The following WWC1 variants were observed in gnomAD, a reference collection of about 807,000 sequenced individuals.
WWC1 encodes the protein protein KIBRA.
In WWC1, 55 loss-of-function variants were observed where a neutral mutation model predicts 138.4. The observed-to-expected ratio is 0.40, with a 90% CI of 0.32 to 0.50. The LOEUF (loss-of-function observed/expected upper bound fraction) is 0.50. WWC1 is among the 20% of genes least tolerant of loss of function. The pLI is 0.72. For missense variants in WWC1, 1,226 were observed against 1,420.4 expected (o/e 0.86, Z 2.20); for synonymous variants, 524 against 564.9 (o/e 0.93, Z 1.03).
intron 17 of WWC1, among the ~76,000 whole-genome samples, chr5:168,453,546 A>AT (rs1403072607): frequency 5.4e-4 from 81 of 151,086 alleles, no homozygotes; most frequent in East Asian, 4.3e-3. Flanking sequence ...CTCATTAACA[A>AT]TCTTTTTTTT....
intron 1 of WWC1, among the ~76,000 whole-genome samples, chr5:168,324,963 T>C (rs986719427): frequency 9.2e-5 from 14 of 152,298 alleles, no homozygotes; most frequent in African/African-American, 3.1e-4. Context: ...AGACACCTAG[T>C]AGCTGAGTTC....
At chr5:168,303,640 A>G (rs1770289172) in intron 1 of WWC1, among the ~76,000 whole-genome samples, 1 of 152,158 alleles carries the variant, frequency 6.6e-6, no homozygotes, top group Non-Finnish European at 1.5e-5. Context: ...GGAAGCAGCC[A>G]ATCTAAGGGG....
rs775695999 is a variant in WWC1, at chr5:168,318,184, C to T, written c.119+25913C>T. On this transcript the variant is annotated intron_variant, in intron 1 of 22. Coordinates refer to ENST00000265293, the MANE Select transcript of WWC1 (RefSeq NM_015238.3). ...TCTGTTTGCAAATGTTCTCTTGGTT[C>T]CAGAAGTTCAGAAATGTTACCAGCT... Among the ~76,000 whole-genome samples, 42 of 152,050 alleles carry T rather than the reference C, an allele frequency of 2.8e-4. No individual in the cohort carries two copies. In the Middle Eastern group the frequency reaches 0.014, roughly 49 times the overall value.
chr5:168,304,509 C>T (rs1416741697), intron 1 of WWC1, among the ~76,000 whole-genome samples: 1 of 152,080 alleles, frequency 6.6e-6, no homozygotes, highest in Non-Finnish European at 1.5e-5. Flanking sequence ...AGGTTTTTGC[C>T]CTCGTACAAT....
intron 1 of WWC1, among the ~76,000 whole-genome samples, chr5:168,318,863 G>A (rs1452316618): frequency 2.0e-5 from 3 of 152,046 alleles, no homozygotes; most frequent in African/African-American, 7.2e-5. Flanking sequence ...CCTGGCCTGT[G>A]ACTGGCTATT....
At chr5:168,400,325 C>T (rs970797619) in intron 5 of WWC1, among the ~76,000 whole-genome samples, 3 of 152,140 alleles carry the variant, frequency 2.0e-5, no homozygotes, top group African/African-American at 7.2e-5. Context: ...GATCCTCTCC[C>T]TCCTCTCACC....
rs759360590 is a variant in WWC1 at position 168,468,005 on chromosome 5, C to A, written c.3275+41C>A. The A allele has an allele frequency of 1.1e-5, 18 of 1,611,744 alleles. 1 individual carries two copies. The Admixed American group carries it at 3.0e-4, about 27-fold the overall frequency. ...CGGCAGCCCCCCATCCCTTTCTCAGCCAACCCACGGCCTTAGTCTTCTGTC... is the reference window on the plus strand; with the variant it reads ...CGGCAGCCCCCCATCCCTTTCTCAGACAACCCACGGCCTTAGTCTTCTGTC... On this transcript the variant is annotated intron_variant, in intron 22 of 22. Transcript: ENST00000265293.
chr5:168,465,576 T>TTTTTTG (rs1554118704), intron 21 of WWC1, among the ~76,000 whole-genome samples: 4 of 136,210 alleles, frequency 2.9e-5, no homozygotes, highest in African/African-American at 1.2e-4. Context: ...TTTTTTTTTT[T>TTTTTTG]GGAGATGGGT....
At chr5:168,418,743 A>G (rs921776674) in intron 9 of WWC1, among the ~76,000 whole-genome samples, 6 of 152,034 alleles carry the variant, frequency 3.9e-5, no homozygotes, top group African/African-American at 1.4e-4. Flanking sequence ...AGGAAAACCA[A>G]GGTAAAAATG....
In WWC1 at chr5:168,460,640, T is replaced by C; in HGVS notation, c.2824-10T>C. Reference sequence around the variant, plus strand: ...ACCATGTTTAAGATTCCATGACTTTTCTCTTGCAGCTGAATCGGAGTGATA... The same window carrying C: ...ACCATGTTTAAGATTCCATGACTTTCCTCTTGCAGCTGAATCGGAGTGATA... On this transcript the variant is annotated splice_polypyrimidine_tract_variant and intron_variant, in intron 19 of 22. Coordinates refer to ENST00000265293, the MANE Select transcript of WWC1 (RefSeq NM_015238.3). 1 of 1,613,706 alleles carries C rather than the reference T, an allele frequency of 6.2e-7. No individual in the cohort carries two copies. Among genetic ancestry groups the C allele is most frequent in the Non-Finnish European group, 8.5e-7 (1 of 1,179,706 alleles).
intron 17 of WWC1, 76 bp downstream of exon 17, chr5:168,444,661 A>C (rs983268101): frequency 4.0e-6 from 6 of 1,491,634 alleles, no homozygotes; most frequent in Non-Finnish European, 5.5e-6. Context: ...CCCCAATGCC[A>C]GTGCAACTAA....
At chr5:168,346,929 G>A (rs956073785) in intron 1 of WWC1, among the ~76,000 whole-genome samples, 2 of 152,148 alleles carry the variant, frequency 1.3e-5, no homozygotes, top group South Asian at 2.1e-4. Context: ...TTTTCTGAGG[G>A]TCTCTTGAGG....
At chr5:168,443,704 C>A (rs913842698) in intron 16 of WWC1, among the ~76,000 whole-genome samples, 1 of 152,064 alleles carries the variant, frequency 6.6e-6, no homozygotes, top group Non-Finnish European at 1.5e-5. Flanking sequence ...ATATACCAGG[C>A]CTTCAGTTGA....
At chr5:168,313,737 T>G (rs1481555189) in intron 1 of WWC1, among the ~76,000 whole-genome samples, 1 of 152,230 alleles carries the variant, frequency 6.6e-6, no homozygotes, top group Non-Finnish European at 1.5e-5. Context: ...TTGTTTTTCT[T>G]TTTTTCTTTT....
intron 1 of WWC1, among the ~76,000 whole-genome samples, chr5:168,356,746 G>A (rs1258442603): frequency 6.6e-6 from 1 of 152,186 alleles, no homozygotes; most frequent in Non-Finnish European, 1.5e-5. Flanking sequence ...GGAGACAGAG[G>A]CCTTGTTTGC....
At chr5:168,448,516 C>T (rs36015366) in intron 17 of WWC1, among the ~76,000 whole-genome samples, 50,159 of 151,530 alleles carry the variant, frequency 0.33, 9,429 homozygotes, top group Middle Eastern at 0.49. Context: ...CTTGGGAACT[C>T]GTATTTGTCT....
rs190158463 is a variant in WWC1, at chr5:168,430,052, C to T, written c.2001-85C>T. The T allele has an allele frequency of 8.2e-4, 914 of 1,116,394 alleles. 8 individuals carry two copies. The Admixed American group carries it at 0.014, about 17-fold the overall frequency. The allele number at this position is 1,116,394 out of a possible 1,614,324, so 69.2% of individuals were successfully genotyped here. A position where few individuals can be genotyped will look rare whatever the true frequency, so the allele number is the denominator to read the frequency against. On this transcript the variant is annotated intron_variant, in intron 13 of 22. Coordinates refer to ENST00000265293, the MANE Select transcript of WWC1 (RefSeq NM_015238.3). ...TAGGCCCCAGGGCAGCCAACAGCCA[C>T]GTCCTGTGACTTTTAATGGAGAGAA...
At chr5:168,325,586 A>ATT (rs1317748719) in intron 1 of WWC1, among the ~76,000 whole-genome samples, 1 of 152,208 alleles carries the variant, frequency 6.6e-6, no homozygotes, top group African/African-American at 2.4e-5. Context: ...GAATTCCATC[A>ATT]TTTACAGGCA....
rs1781929261 is a variant in WWC1 at position 168,431,445 on chromosome 5, G to A, written c.2280+1G>A. The A allele has an allele frequency of 6.2e-7, 1 of 1,602,104 alleles. No homozygotes were observed. The highest frequency in any genetic ancestry group is 8.5e-7 in the Non-Finnish European group (1 of 1,177,476). On this transcript the variant is annotated splice_donor_variant, in intron 15 of 22. Transcript: ENST00000265293. LOFTEE classifies it high-confidence loss of function. Reference sequence around the variant, plus strand: ...CAGGAGCCATCTGGAAGAGTGCCTGGTAAGGGCCGTGTCTGGCTGGCTGGC... The same window carrying A: ...CAGGAGCCATCTGGAAGAGTGCCTGATAAGGGCCGTGTCTGGCTGGCTGGC...
Sources: allele counts gnomAD v4.1 joint callset (sites outside exome capture counted in the v4.1 genomes callset), GRCh38; gene constraint gnomAD v4.1.1; transcripts MANE v1.5; gene names NCBI Gene and HGNC (gene_info 2026-07-23, HGNC 2026-07-21).